The following OMA1 variants were observed in gnomAD, a reference collection of about 807,000 sequenced individuals.
OMA1 encodes the protein OMA1 zinc metallopeptidase.
A neutral mutation model predicts 30.9 loss-of-function variants in OMA1; 38 were observed. The ratio of observed to expected loss-of-function variants is 1.23; its 90% confidence interval spans 0.95 to 1.61. The LOEUF (loss-of-function observed/expected upper bound fraction) is 1.61. Ranked by LOEUF, OMA1 falls within the 40% of genes most tolerant of loss-of-function variation. The probability of loss-of-function intolerance (pLI) is 0.00; values close to 1 mark genes in which losing one functional copy is unlikely to be tolerated. For synonymous variants in OMA1, 173 were observed against 121.9 expected (o/e 1.42, Z -2.76); for missense variants, 461 against 349.2 (o/e 1.32, Z -2.55).
intron 7 of OMA1, among the ~76,000 whole-genome samples, chr1:58,508,002 A>C (rs1218778784): frequency 6.6e-6 from 1 of 152,226 alleles, no homozygotes; most frequent in Admixed American, 6.5e-5. Flanking sequence ...ATACTTATCT[A>C]ATTTTTTTAG....
In OMA1 at chr1:58,506,123, T is replaced by C. The variant is rs1424205093; in HGVS notation, c.1302A>G (p.Glu434=). The C allele has an allele frequency of 1.0e-5, 9 of 872,246 alleles. No homozygotes were observed. Among genetic ancestry groups the C allele is most frequent in the Non-Finnish European group, 1.8e-5 (9 of 501,230 alleles). 54.0% of individuals were successfully genotyped at this position (872,246 alleles called of 1,614,324 possible). ...DSLHGQPKMP[E]WLSTHPSHGN... ...CATGAGAAGGGTGTGTAGATAACCA[T>C]TCTGGCATCTTGGGTTGGCCATGCA... Residue 434 remains glutamate (E), a synonymous_variant, in exon 8 of 9, where the codon GAA becomes GAG. Coordinates refer to ENST00000371226, the MANE Select transcript of OMA1 (RefSeq NM_145243.5).
At chr1:58,506,006 A>G in intron 8 of OMA1, 54 bp downstream of exon 8, 2 of 788,730 alleles carry the variant, frequency 2.5e-6, no homozygotes, top group South Asian at 3.2e-5. Context: ...TGACAGCATT[A>G]AAAATAAATG....
chr1:58,540,280 AG>A (rs1223797145), intron 1 of OMA1, among the ~76,000 whole-genome samples: 2 of 136,130 alleles, frequency 1.5e-5, no homozygotes, highest in Non-Finnish European at 1.6e-5. Context: ...ACTGCATCCC[AG>A]GAAAAAAAAA....
intron 8 of OMA1, among the ~76,000 whole-genome samples, chr1:58,489,698 G>C (rs1173960447): frequency 6.6e-6 from 1 of 152,148 alleles, no homozygotes; most frequent in African/African-American, 2.4e-5. Flanking sequence ...CCCCCAGTAG[G>C]GGCAGACTGA....
intron 7 of OMA1, among the ~76,000 whole-genome samples, chr1:58,524,246 G>A (rs533499084): frequency 2.6e-5 from 4 of 152,130 alleles, no homozygotes; most frequent in African/African-American, 4.8e-5. Flanking sequence ...AACCTGTTCC[G>A]GCAGCTATTC....
intron 7 of OMA1, among the ~76,000 whole-genome samples, chr1:58,514,453 CT>C (rs1646129025): frequency 6.6e-6 from 1 of 152,194 alleles, no homozygotes; most frequent in African/African-American, 2.4e-5. Flanking sequence ...AAAAGTATCT[CT>C]GAATTTTGCT....
chr1:58,509,554 A>G (rs990787998), intron 7 of OMA1, among the ~76,000 whole-genome samples: 5 of 151,464 alleles, frequency 3.3e-5, no homozygotes, highest in African/African-American at 1.2e-4. Context: ...AAAAGAAGAA[A>G]GCAAGCAAAT....
Position 58,492,339 on chromosome 1 carries a change from A to G in OMA1, c.1366-11165T>C, listed in dbSNP as rs560010630. On this transcript the variant is annotated intron_variant, in intron 8 of 8. Coordinates refer to ENST00000371226, the MANE Select transcript of OMA1 (RefSeq NM_145243.5). ...AAAGATCTAAAATTGACACCCTAAC[A>G]TCACAATTAAAAGAACTAGAGAAGC... Among the ~76,000 whole-genome samples, 6 of 152,352 alleles carry G rather than the reference A, an allele frequency of 3.9e-5. No individual in the cohort carries two copies. In the South Asian group the frequency reaches 1.2e-3, roughly 32 times the overall value.
chr1:58,484,274 T>C (rs1313611938), intron 8 of OMA1, among the ~76,000 whole-genome samples: 1 of 152,178 alleles, frequency 6.6e-6, no homozygotes, highest in Non-Finnish European at 1.5e-5. Context: ...CTATAAAAAC[T>C]TTTCTTTAAA....
rs377037170 is a variant in OMA1 at position 58,506,158 on chromosome 1, C to T, written c.1267G>A (p.Val423Ile). The T allele has an allele frequency of 4.6e-6, 4 of 872,162 alleles. No individual in the cohort carries two copies. Among genetic ancestry groups the T allele is most frequent in the African/African-American group, 1.6e-5 (1 of 61,302 alleles). The allele number at this position is 872,162 out of a possible 1,614,324, so 54.0% of individuals were successfully genotyped here. A position where few individuals can be genotyped will look rare whatever the true frequency, so the allele number is the denominator to read the frequency against. The change falls in exon 8 of 9, where the codon GTT becomes ATT. Residue 423 changes from valine to isoleucine, a missense_variant. Val to Ile is a conservative substitution (Grantham distance 29, BLOSUM62 3). Coordinates refer to ENST00000371226, the MANE Select transcript of OMA1 (RefSeq NM_145243.5). ...SSVFWQQMEF[V>I]DSLHGQPKMP... ...TTGGGTTGGCCATGCAGGCTATCAA[C>T]GAACTCCATTTGCTGCCAAAACACT...
At chr1:58,494,334 A>T (rs926937618) in intron 8 of OMA1, among the ~76,000 whole-genome samples, 5 of 152,068 alleles carry the variant, frequency 3.3e-5, no homozygotes, top group Admixed American at 2.6e-4. Context: ...AACCTAGGCA[A>T]TACCATTCAG....
chr1:58,490,795 CTTTTTTTTTTTT>C (rs148145860), intron 8 of OMA1, among the ~76,000 whole-genome samples: 13 of 59,274 alleles, frequency 2.2e-4, no homozygotes, highest in Non-Finnish European at 3.0e-4. Context: ...AGTCAACATT[CTTTTTTTTTTTT>C]TTTTTTTTTT....
At chr1:58,515,542 T>G (rs1049501091) in intron 7 of OMA1, among the ~76,000 whole-genome samples, 1 of 152,224 alleles carries the variant, frequency 6.6e-6, no homozygotes, top group Non-Finnish European at 1.5e-5. Flanking sequence ...CAAGCCTGTC[T>G]CATTTTTCTG....
At position 58,530,804 on chromosome 1, in the gene OMA1, A is replaced by G. The variant is rs141343143; in HGVS notation, c.1012-75T>C. The G allele has an allele frequency of 8.8e-5, 68 of 771,730 alleles. No homozygotes were observed. The African/African-American group carries it at 9.5e-4, about 11-fold the overall frequency. The allele number at this position is 771,730 out of a possible 1,614,324, so 47.8% of individuals were successfully genotyped here. On this transcript the variant is annotated intron_variant, in intron 5 of 8. Transcript: ENST00000371226. ...ATATGCTTACATTTTCTAGTTCATC[A>G]TGTGTTACAATTACCTGACCTTCTC...
At chr1:58,499,477 T>TAGATAGATAG (rs1553122687) in intron 8 of OMA1, among the ~76,000 whole-genome samples, 10 of 143,662 alleles carry the variant, frequency 7.0e-5, no homozygotes, top group Admixed American at 2.1e-4. Flanking sequence ...AAAGCCAGAC[T>TAGATAGATAG]ATAGATAGAT....
intron 8 of OMA1, among the ~76,000 whole-genome samples, chr1:58,491,332 A>G (rs571534828): frequency 1.3e-5 from 2 of 152,298 alleles, no homozygotes; most frequent in Admixed American, 1.3e-4. Flanking sequence ...AAAGACCATC[A>G]AGGCTAGGAA....
rs547705319 is a variant in OMA1 at position 58,516,685 on chromosome 1, G to T, written c.1216-10476C>A. 6.6e-5 allele frequency among the ~76,000 whole-genome samples: 10 copies of T among 152,242 alleles called. No homozygotes were observed. The East Asian group carries it at 1.9e-3, about 29-fold the overall frequency. ...TGAAAGAGGCTTCATGAGTAACATCGTTTTTGTGAATTTTGCACGTTGAAA... is the reference window on the plus strand; with the variant it reads ...TGAAAGAGGCTTCATGAGTAACATCTTTTTTGTGAATTTTGCACGTTGAAA... On this transcript the variant is annotated intron_variant, in intron 7 of 8. Transcript: ENST00000371226.
intron 7 of OMA1, among the ~76,000 whole-genome samples, chr1:58,524,468 A>G (rs983453746): frequency 2.6e-5 from 4 of 152,236 alleles, no homozygotes; most frequent in Admixed American, 2.6e-4. Flanking sequence ...GAATCATATT[A>G]GAGTCTATAG....
At chr1:58,513,279 A>G (rs990384357) in intron 7 of OMA1, among the ~76,000 whole-genome samples, 1 of 152,038 alleles carries the variant, frequency 6.6e-6, no homozygotes, top group East Asian at 1.9e-4. Context: ...TTCCCCTTCC[A>G]CCATGATTAT....
Sources: gnomAD v4.1 joint callset for allele counts (sites outside exome capture counted in the v4.1 genomes callset) on GRCh38, gnomAD v4.1.1 for gene constraint, MANE v1.5 for transcripts, NCBI Gene and HGNC (gene_info 2026-07-23, HGNC 2026-07-21) for gene names.